The following MEI4 variants were observed in gnomAD, a reference collection of about 807,000 sequenced individuals.
MEI4 encodes the protein meiotic double-stranded break formation protein 4.
Under a neutral mutation model 31.4 loss-of-function variants are expected in MEI4, and 27 were observed. The observed-to-expected ratio is 0.86, with a 90% CI of 0.63 to 1.19. MEI4 has a LOEUF of 1.19. MEI4 is among the 50% of genes most tolerant of loss of function. The pLI is 0.00. For missense variants in MEI4, 329 were observed against 398.9 expected (o/e 0.82, Z 1.49); for synonymous variants, 122 against 145.4 (o/e 0.84, Z 1.16).
At chr6:77,743,938 G>A (rs1430045346) in intron 2 of MEI4, among the ~76,000 whole-genome samples, 1 of 152,116 alleles carries the variant, frequency 6.6e-6, no homozygotes, top group Non-Finnish European at 1.5e-5. Flanking sequence ...CTAATAAACA[G>A]AAAGGACATC....
chr6:77,831,793 G>A (rs779746141), intron 4 of MEI4, among the ~76,000 whole-genome samples: 1 of 151,946 alleles, frequency 6.6e-6, no homozygotes, highest in South Asian at 2.1e-4. Context: ...CGAAAATACG[G>A]TTAGATAGAA....
At chr6:77,887,546 C>T (rs998989621) in intron 4 of MEI4, among the ~76,000 whole-genome samples, 3 of 152,146 alleles carry the variant, frequency 2.0e-5, no homozygotes, top group Non-Finnish European at 2.9e-5. Flanking sequence ...ATCCACCCCC[C>T]TCAGCCTCCC....
intron 2 of MEI4, among the ~76,000 whole-genome samples, chr6:77,743,739 C>G (rs1295686729): frequency 6.6e-6 from 1 of 152,162 alleles, no homozygotes; most frequent in East Asian, 1.9e-4. Context: ...AGACTGACAC[C>G]TCACATGGCC....
At chr6:77,788,310 A>C (rs1768806542) in intron 3 of MEI4, among the ~76,000 whole-genome samples, 1 of 152,194 alleles carries the variant, frequency 6.6e-6, no homozygotes, top group Non-Finnish European at 1.5e-5. Flanking sequence ...TGAATAGGCA[A>C]AAACTTGAAG....
In MEI4 at chr6:77,772,803, C is replaced by T. The variant is rs190382282; in HGVS notation, c.768+11138C>T. On this transcript the variant is annotated intron_variant, in intron 3 of 4. Transcript: ENST00000684080. ...ATGATATCATTTATTTGGAAATATC[C>T]AAAGACTCCACAAGAAAACTGTAAG... Among the ~76,000 whole-genome samples, 213 of 151,870 alleles carry T rather than the reference C, an allele frequency of 1.4e-3. 1 individual carries two copies. The highest frequency in any genetic ancestry group is 4.5e-3 in the African/African-American group (187 of 41,478).
chr6:77,711,731 T>C (rs1038316307), intron 2 of MEI4, among the ~76,000 whole-genome samples: 2 of 152,184 alleles, frequency 1.3e-5, no homozygotes, highest in South Asian at 4.1e-4. Context: ...CCCCTTTTTT[T>C]CTCTTGTAAA....
chr6:77,672,332 A>G (rs1768761293), intron 1 of MEI4, among the ~76,000 whole-genome samples: 1 of 152,212 alleles, frequency 6.6e-6, no homozygotes, highest in Admixed American at 6.5e-5. Flanking sequence ...TTAAATCTGC[A>G]GAATCATGCT....
intron 2 of MEI4, among the ~76,000 whole-genome samples, chr6:77,713,053 A>G (rs944598362): frequency 5.3e-5 from 8 of 152,004 alleles, no homozygotes; most frequent in Admixed American, 1.3e-4. Context: ...TGCTTATTGG[A>G]AAGAGCACTC....
At chr6:77,857,975 A>C (rs144589304) in intron 4 of MEI4, among the ~76,000 whole-genome samples, 337 of 152,294 alleles carry the variant, frequency 2.2e-3, no homozygotes, top group African/African-American at 7.4e-3. Context: ...ATGGGTGTGT[A>C]CTTTTTAGTA....
At chr6:77,920,142 C>G (rs1439604606) in intron 4 of MEI4, among the ~76,000 whole-genome samples, 6 of 151,172 alleles carry the variant, frequency 4.0e-5, no homozygotes, top group Admixed American at 3.3e-4. Context: ...CTCCCTAACT[C>G]ATTTTATGAG....
At chr6:77,802,454 C>CA (rs1446348349) in intron 3 of MEI4, among the ~76,000 whole-genome samples, 1 of 152,142 alleles carries the variant, frequency 6.6e-6, no homozygotes, top group Non-Finnish European at 1.5e-5. Context: ...TTAATTGGAG[C>CA]ATTTAGCCCA....
At position 77,924,986 on chromosome 6, in the gene MEI4, C is replaced by CTGAT. The variant is rs1766811315; in HGVS notation, c.*1642_*1645dup. On this transcript the variant is annotated 3_prime_UTR_variant, in exon 5 of 5. Coordinates refer to ENST00000684080, the MANE Select transcript of MEI4 (RefSeq NM_001322247.2). ...GGATTAGGAGGGATTTTTCTAATGT[C>CTGAT]TGATTCCTGTGAACACCTGTGAAGG... is the stretch of plus-strand genomic sequence containing the variant. 1 of 151,830 alleles carries CTGAT rather than the reference C, an allele frequency of 6.6e-6. No individual in the cohort carries two copies. Among genetic ancestry groups the CTGAT allele is most frequent in the African/African-American group, 2.4e-5 (1 of 41,392 alleles). The allele number at this position is 151,830 out of a possible 1,614,324, so 9.4% of individuals were successfully genotyped here.
At chr6:77,737,267 G>A (rs900850679) in intron 2 of MEI4, among the ~76,000 whole-genome samples, 2 of 152,272 alleles carry the variant, frequency 1.3e-5, no homozygotes, top group East Asian at 1.9e-4. Context: ...GAGTAATTAG[G>A]CATCAGTGTT....
intron 2 of MEI4, among the ~76,000 whole-genome samples, chr6:77,696,502 T>G (rs552234930): frequency 0.037 from 5,571 of 152,078 alleles, 271 homozygotes; most frequent in African/African-American, 0.11. Context: ...CAAAGGTCTT[T>G]TCTGCATCTA....
chr6:77,775,448 T>G (rs1768416277), intron 3 of MEI4, among the ~76,000 whole-genome samples: 1 of 152,112 alleles, frequency 6.6e-6, no homozygotes, highest in Admixed American at 6.6e-5. Context: ...GGTTTTCAAT[T>G]CCTGAGTTAC....
At chr6:77,905,101 T>A (rs1363436552) in intron 4 of MEI4, among the ~76,000 whole-genome samples, 1 of 152,142 alleles carries the variant, frequency 6.6e-6, no homozygotes, top group Admixed American at 6.6e-5. Context: ...ACTCTCTCAC[T>A]TTTGTCTGGG....
At chr6:77,698,826 T>C (rs571645553) in intron 2 of MEI4, among the ~76,000 whole-genome samples, 1 of 152,312 alleles carries the variant, frequency 6.6e-6, no homozygotes, top group Admixed American at 6.5e-5. Flanking sequence ...CCTTGCTAGA[T>C]TGGGGAAGTT....
intron 4 of MEI4, among the ~76,000 whole-genome samples, chr6:77,863,574 G>T (rs142361447): frequency 6.6e-6 from 1 of 152,142 alleles, no homozygotes; most frequent in Non-Finnish European, 1.5e-5. Flanking sequence ...AAGAAATATG[G>T]GACTATGTGA....
At chr6:77,855,915 T>C (rs982764274) in intron 4 of MEI4, among the ~76,000 whole-genome samples, 3 of 152,164 alleles carry the variant, frequency 2.0e-5, no homozygotes, top group Non-Finnish European at 4.4e-5. Flanking sequence ...GCGAGTTTAA[T>C]CATTCCACAT....
Sources: gnomAD v4.1 joint callset for allele counts (sites outside exome capture counted in the v4.1 genomes callset) on GRCh38, gnomAD v4.1.1 for gene constraint, MANE v1.5 for transcripts, NCBI Gene and HGNC (gene_info 2026-07-23, HGNC 2026-07-21) for gene names.